NPAS2: variants seen among roughly 807,000 people sequenced by gnomAD.
The protein encoded by NPAS2 is neuronal PAS domain protein 2, also known as neuronal PAS domain-containing protein 2.
NPAS2 carries 23 observed loss-of-function variants against 107.5 expected under a neutral mutation model. The ratio of observed to expected loss-of-function variants is 0.21; its 90% CI spans 0.15 to 0.30. NPAS2 has a LOEUF of 0.30. Among genes scored for constraint, NPAS2 ranks in the 10% least tolerant of loss-of-function variants. The pLI is 1.00. For missense variants in NPAS2, 756 were observed against 1,043.3 expected, an observed-to-expected ratio of 0.72 and a Z score of 3.79; for synonymous variants, 403 against 417.5, an observed-to-expected ratio of 0.97 and a Z score of 0.42.
intron 1 of NPAS2, among the ~76,000 whole-genome samples, chr2:100,889,702 A>G (rs1680930164): frequency 6.6e-6 from 1 of 152,186 alleles, no homozygotes; most frequent in Non-Finnish European, 1.5e-5. Context: ...AGCAATCACC[A>G]ATGGATCCCA....
intron 1 of NPAS2, among the ~76,000 whole-genome samples, chr2:100,863,880 A>T (rs1257702592): frequency 1.3e-5 from 2 of 152,124 alleles, no homozygotes; most frequent in Non-Finnish European, 2.9e-5. Context: ...TCTCTCTCTC[A>T]TGGACAGTGT....
intron 1 of NPAS2, among the ~76,000 whole-genome samples, chr2:100,832,461 C>T (rs185817774): frequency 3.3e-5 from 5 of 152,272 alleles, no homozygotes; most frequent in East Asian, 3.9e-4. Flanking sequence ...GTCATGTTCC[C>T]GGTGCTCTGT....
chr2:100,890,005 T>A (rs1680947999), intron 1 of NPAS2, among the ~76,000 whole-genome samples: 1 of 152,226 alleles, frequency 6.6e-6, no homozygotes, highest in East Asian at 1.9e-4. Flanking sequence ...GATTGAGGTT[T>A]TCCTTGCGTG....
At chr2:100,993,585 C>T (rs1678270147) in intron 20 of NPAS2, 58 bp downstream of exon 20, 2 of 1,285,530 alleles carry the variant, frequency 1.6e-6, no homozygotes, top group East Asian at 2.6e-5. Flanking sequence ...CCACGCTCCA[C>T]ACCCGAAGTC....
At chr2:100,906,228 C>A (rs889115456) in intron 2 of NPAS2, among the ~76,000 whole-genome samples, 1 of 152,196 alleles carries the variant, frequency 6.6e-6, no homozygotes, top group Non-Finnish European at 1.5e-5. Flanking sequence ...AGGTCACAAC[C>A]TACAAGGGTT....
At chr2:100,975,157 T>G in intron 13 of NPAS2, 1 of 605,894 alleles carries the variant, frequency 1.7e-6, no homozygotes, top group Non-Finnish European at 2.9e-6. Context: ...AGCAAAGACA[T>G]TGAGTGGGTT....
At chr2:100,902,895 C>T (rs745901699) in intron 1 of NPAS2, among the ~76,000 whole-genome samples, 16 of 152,068 alleles carry the variant, frequency 1.1e-4, no homozygotes, top group Non-Finnish European at 1.6e-4. Flanking sequence ...GTGAGAGGAA[C>T]GGGGCAGGGA....
intron 2 of NPAS2, among the ~76,000 whole-genome samples, chr2:100,913,942 C>G (rs1573608829): frequency 6.6e-6 from 1 of 152,202 alleles, no homozygotes; most frequent in East Asian, 1.9e-4. Context: ...ACAGGCCTCT[C>G]AGAAGGACCT....
At chr2:100,859,893 T>C (rs1207216272) in intron 1 of NPAS2, among the ~76,000 whole-genome samples, 1 of 152,236 alleles carries the variant, frequency 6.6e-6, no homozygotes, top group East Asian at 1.9e-4. Flanking sequence ...CAGTTGCCTA[T>C]CATGTTCTGT....
chr2:100,922,775 T>G (rs535482938), intron 2 of NPAS2, among the ~76,000 whole-genome samples: 1 of 152,326 alleles, frequency 6.6e-6, no homozygotes, highest in Non-Finnish European at 1.5e-5. Context: ...CAGTTTCCAG[T>G]GGACACCACA....
In NPAS2 at chr2:100,820,769, A is replaced by G. The variant is rs1211412236; in HGVS notation, c.-23+355A>G. 6.6e-6 allele frequency among the ~76,000 whole-genome samples: 1 copy of G among 152,104 alleles called. No homozygotes were observed. Among genetic ancestry groups the G allele is most frequent in the African/African-American group, 2.4e-5 (1 of 41,422 alleles). ...GAGAAGGATCGTGCCCCAGGGCAAC[A>G]GCTTTGGGGATTGCCCGTGGTTGTC... is the stretch of plus-strand genomic sequence containing the variant. On this transcript the variant is annotated intron_variant, in intron 1 of 20. Coordinates refer to ENST00000335681, the MANE Select transcript of NPAS2 (RefSeq NM_002518.4). The surrounding 1 kb of genome is among the most constrained non-coding windows in gnomAD (Gnocchi z 5.6).
intron 2 of NPAS2, among the ~76,000 whole-genome samples, chr2:100,905,578 C>T (rs986673181): frequency 3.3e-5 from 5 of 152,084 alleles, no homozygotes; most frequent in African/African-American, 4.8e-5. Context: ...GCAGGTCATT[C>T]GGGTGGAGGC....
chr2:100,841,293 C>T (rs1490205440), intron 1 of NPAS2, among the ~76,000 whole-genome samples: 1 of 152,142 alleles, frequency 6.6e-6, no homozygotes, highest in Non-Finnish European at 1.5e-5. Flanking sequence ...AAAAAATTAG[C>T]CAGGCATGGT....
intron 7 of NPAS2, among the ~76,000 whole-genome samples, chr2:100,960,640 G>A (rs1675863267): frequency 6.6e-6 from 1 of 152,092 alleles, no homozygotes; most frequent in Admixed American, 6.5e-5. Flanking sequence ...TCACCTGCCT[G>A]CCAGTGGAAC....
intron 7 of NPAS2, among the ~76,000 whole-genome samples, chr2:100,960,350 G>C (rs1401009808): frequency 6.6e-6 from 1 of 151,948 alleles, no homozygotes; most frequent in Non-Finnish European, 1.5e-5. Context: ...ATCACCTGAG[G>C]TCAGGAGTTC....
chr2:100,838,079 A>G (rs150326621), intron 1 of NPAS2, among the ~76,000 whole-genome samples: 12 of 151,980 alleles, frequency 7.9e-5, no homozygotes, highest in African/African-American at 2.9e-4. Flanking sequence ...TTTCAGTGGC[A>G]GTGTTAATTA....
At chr2:100,899,132 G>C (rs557103578) in intron 1 of NPAS2, among the ~76,000 whole-genome samples, 1 of 152,254 alleles carries the variant, frequency 6.6e-6, no homozygotes, top group South Asian at 2.1e-4. Context: ...AAAGCGTGCT[G>C]GGGTGTCCTG....
intron 1 of NPAS2, among the ~76,000 whole-genome samples, chr2:100,821,750 C>CTA (rs1676087041): frequency 6.6e-6 from 1 of 152,158 alleles, no homozygotes; most frequent in African/African-American, 2.4e-5. Flanking sequence ...AGCGCACACA[C>CTA]TAGCTCCATC....
chr2:100,974,399 G>A (rs1292478960), intron 12 of NPAS2, among the ~76,000 whole-genome samples: 1 of 152,136 alleles, frequency 6.6e-6, no homozygotes, highest in Non-Finnish European at 1.5e-5. Context: ...GACCCAGGAA[G>A]GTCCAAAGGC....
Sources: gnomAD v4.1 joint callset for allele counts (sites outside exome capture counted in the v4.1 genomes callset) on GRCh38, gnomAD v4.1.1 for gene constraint, Gnocchi (gnomAD v3.1) non-coding constraint, MANE v1.5 for transcripts, NCBI Gene and HGNC (gene_info 2026-07-23, HGNC 2026-07-21) for gene names.